SPATS2L: variants seen among roughly 807,000 people sequenced by gnomAD.
SPATS2L encodes the protein SPATS2-like protein.
In SPATS2L, 30 loss-of-function variants were observed where a neutral mutation model predicts 59.6. The observed-to-expected ratio is 0.50, with a 90% CI of 0.38 to 0.68. SPATS2L has a LOEUF of 0.68. Among genes scored for constraint, SPATS2L ranks in the 30% least tolerant of loss-of-function variants. SPATS2L has a pLI of 0.00. For synonymous variants in SPATS2L, 252 were observed against 263.5 expected (o/e 0.96, Z 0.42); for missense variants, 615 against 700.0 (o/e 0.88, Z 1.37).
intron 2 of SPATS2L, among the ~76,000 whole-genome samples, chr2:200,375,887 A>G (rs2081582999): frequency 6.6e-6 from 1 of 152,184 alleles, no homozygotes; most frequent in Non-Finnish European, 1.5e-5. Context: ...TCAGCCTCCC[A>G]AAGTGCTGGG....
chr2:200,352,385 C>T lies in SPATS2L; in HGVS notation c.-23+22905C>T, dbSNP rs116347469. Among the ~76,000 whole-genome samples the T allele has an allele frequency of 7.4e-4, 99 of 133,210 alleles. 4 individuals carry two copies. Among genetic ancestry groups the T allele is most frequent in the African/African-American group, 3.2e-3 (96 of 29,544 alleles). The allele number at this position is 133,210 out of a possible 152,430, so 87.4% of individuals were successfully genotyped here. A position where few individuals can be genotyped will look rare whatever the true frequency, so the allele number is the denominator to read the frequency against. ...TATATATATATATGGTAAACAAGCT[C>T]GATTTTCTCTCTCTCTTTTAAACAT... On this transcript the variant is annotated intron_variant, in intron 2 of 12. Coordinates refer to ENST00000409140, the MANE Select transcript of SPATS2L (RefSeq NM_001100423.2).
intron 1 of SPATS2L, among the ~76,000 whole-genome samples, chr2:200,319,394 G>A (rs189506451): frequency 4.6e-5 from 7 of 151,996 alleles, no homozygotes; most frequent in South Asian, 2.1e-4. Flanking sequence ...GCAAAACCCC[G>A]TATCTACTAA....
intron 2 of SPATS2L, among the ~76,000 whole-genome samples, chr2:200,372,888 A>G (rs952684536): frequency 5.3e-5 from 8 of 151,880 alleles, no homozygotes; most frequent in African/African-American, 1.9e-4. Context: ...TGGTGCCTAA[A>G]GAGGGTTTTG....
At chr2:200,471,462 T>C (rs535868692) in intron 11 of SPATS2L, among the ~76,000 whole-genome samples, 1 of 152,112 alleles carries the variant, frequency 6.6e-6, no homozygotes, top group Non-Finnish European at 1.5e-5. Flanking sequence ...TTCACCTCCT[T>C]TCCTCCTGAG....
At chr2:200,333,327 A>G (rs1050040492) in intron 2 of SPATS2L, among the ~76,000 whole-genome samples, 36 of 128,248 alleles carry the variant, frequency 2.8e-4, no homozygotes, top group Admixed American at 1.2e-3. Flanking sequence ...ACAAGATTAC[A>G]TAGCAGTCTT....
At chr2:200,307,020 C>A in intron 1 of SPATS2L, 98 bp downstream of exon 1, 2 of 947,376 alleles carry the variant, frequency 2.1e-6, no homozygotes, top group Non-Finnish European at 1.3e-6. Flanking sequence ...CTCGGCTGGG[C>A]CGAGCATTCC....
intron 2 of SPATS2L, among the ~76,000 whole-genome samples, chr2:200,350,947 A>T (rs569448469): frequency 6.6e-6 from 1 of 152,274 alleles, no homozygotes; most frequent in African/African-American, 2.4e-5. Context: ...GGCTTCAGCA[A>T]TACAGAGAAT....
intron 1 of SPATS2L, among the ~76,000 whole-genome samples, chr2:200,312,228 A>G (rs1311906237): frequency 4.6e-5 from 7 of 152,204 alleles, no homozygotes; most frequent in Admixed American, 6.5e-5. Context: ...CTCCTGCATT[A>G]TGGAAATGCC....
At chr2:200,384,649 G>A (rs1438131548) in intron 2 of SPATS2L, among the ~76,000 whole-genome samples, 1 of 152,170 alleles carries the variant, frequency 6.6e-6, no homozygotes, top group African/African-American at 2.4e-5. Context: ...ACCGCGCCCA[G>A]CTGTGGTTCA....
At chr2:200,408,213 G>A (rs1414602233) in intron 3 of SPATS2L, among the ~76,000 whole-genome samples, 2 of 152,186 alleles carry the variant, frequency 1.3e-5, no homozygotes, top group African/African-American at 4.8e-5. Context: ...GCCCGGCCTG[G>A]GGGTGGGGGT....
intron 10 of SPATS2L, among the ~76,000 whole-genome samples, chr2:200,468,971 G>C (rs531890419): frequency 5.3e-5 from 8 of 152,174 alleles, no homozygotes; most frequent in Non-Finnish European, 1.0e-4. Flanking sequence ...ACAGGCTTTG[G>C]AGTGAAACAG....
At chr2:200,361,792 G>A (rs901261430) in intron 2 of SPATS2L, among the ~76,000 whole-genome samples, 5 of 152,134 alleles carry the variant, frequency 3.3e-5, no homozygotes, top group African/African-American at 9.7e-5. Flanking sequence ...TGGTTTCTGT[G>A]TGCTTCTATG....
intron 2 of SPATS2L, among the ~76,000 whole-genome samples, chr2:200,337,488 T>C (rs2080181245): frequency 6.6e-6 from 1 of 152,194 alleles, no homozygotes; most frequent in Admixed American, 6.5e-5. Flanking sequence ...ATAGGCCTAA[T>C]TGCATTCCTT....
chr2:200,396,531 C>G (rs1277621031), intron 3 of SPATS2L, among the ~76,000 whole-genome samples: 3 of 152,028 alleles, frequency 2.0e-5, no homozygotes, highest in Non-Finnish European at 4.4e-5. Flanking sequence ...TCTTGTAACT[C>G]TCTTGATCTG....
intron 1 of SPATS2L, among the ~76,000 whole-genome samples, chr2:200,316,847 T>C (rs2079398002): frequency 6.6e-6 from 1 of 152,190 alleles, no homozygotes; most frequent in African/African-American, 2.4e-5. Flanking sequence ...GATAGATATT[T>C]AGAATTGAAT....
intron 2 of SPATS2L, chr2:200,351,132 T>C: frequency 2.3e-6 from 1 of 426,274 alleles, no homozygotes; most frequent in Non-Finnish European, 4.9e-6. Flanking sequence ...AATGCACCAC[T>C]ATGAAATCAA....
chr2:200,469,950 G>A lies in SPATS2L; in HGVS notation c.994G>A (p.Gly332Arg), dbSNP rs1241225561. 5.0e-6 allele frequency: 8 copies of A among 1,612,124 alleles called. No individual in the cohort carries two copies. The highest frequency in any genetic ancestry group is 6.8e-6 in the Non-Finnish European group (8 of 1,179,134). ...VSERKYDEELGKAARFSCDIE... is the reference protein window; with the variant it reads ...VSERKYDEELRKAARFSCDIE... ...CGAGCGTAAATATGACGAGGAGCTC[G>A]GGAAAGCTGCCCGGTTTTCCTGTGA... is the stretch of plus-strand genomic sequence containing the variant. Residue 332 changes from glycine to arginine, a missense_variant, in exon 11 of 13, where the codon GGG becomes AGG. Physicochemically the swap from Gly to Arg is moderately radical, Grantham distance 125 (BLOSUM62 -2). Coordinates refer to ENST00000409140, the MANE Select transcript of SPATS2L (RefSeq NM_001100423.2).
At chr2:200,422,265 G>A (rs1329310959) in intron 6 of SPATS2L, among the ~76,000 whole-genome samples, 2 of 152,206 alleles carry the variant, frequency 1.3e-5, no homozygotes, top group Non-Finnish European at 2.9e-5. Context: ...AGCCAGGCTT[G>A]GTGACTCACA....
intron 6 of SPATS2L, among the ~76,000 whole-genome samples, chr2:200,437,397 A>C (rs1252755006): frequency 6.6e-6 from 1 of 151,866 alleles, no homozygotes; most frequent in East Asian, 1.9e-4. Flanking sequence ...ACCCATCTCC[A>C]CTCCAACAGA....
Sources: gnomAD v4.1 joint callset for allele counts (sites outside exome capture counted in the v4.1 genomes callset) on GRCh38, gnomAD v4.1.1 for gene constraint, MANE v1.5 for transcripts, NCBI Gene and HGNC (gene_info 2026-07-23, HGNC 2026-07-21) for gene names.